HERC3: variants seen among roughly 807,000 people sequenced by gnomAD.
HERC3 encodes HECT and RLD domain containing E3 ubiquitin protein ligase 3.
A neutral mutation model predicts 129.9 loss-of-function variants in HERC3; 58 were observed. That is an observed-to-expected ratio of 0.45 (90% CI 0.36 to 0.56). The LOEUF (loss-of-function observed/expected upper bound fraction) is 0.56, where lower values mean the gene tolerates loss of function less well. Ranked by LOEUF, HERC3 falls within the 20% of genes least tolerant of loss-of-function variation. The pLI is 0.00. For missense variants in HERC3, 835 were observed against 1,244.2 expected (o/e 0.67, Z 4.95); for synonymous variants, 430 against 451.0 (o/e 0.95, Z 0.59).
chr4:88,528,874 C>T, the HERC3 span, among the ~76,000 whole-genome samples: 10 of 151,906 alleles, frequency 6.6e-5, no homozygotes, highest in African/African-American at 1.9e-4. Flanking sequence ...TTTTGCTCTT[C>T]GATAAATAAA....
Position 88,652,915 on chromosome 4 carries a change from C to T in HERC3, c.510C>T (p.Gly170=), listed in dbSNP as rs201893291. Residue 170 remains glycine (G), a synonymous_variant, in exon 6 of 26, where the codon GGC becomes GGT. Transcript: ENST00000402738. The part of the protein sequence containing the change: ...TWGKNSHGQL[G]LGKEFPSQAS... The stretch of plus-strand genomic sequence containing the variant: ...GAAAGAACAGCCATGGGCAGCTTGG[C>T]TTAGGGAAGGAGTTCCCCTCCCAAG... 4.3e-6 allele frequency: 7 copies of T among 1,613,682 alleles called. No individual in the cohort carries two copies. The highest frequency in any genetic ancestry group is 4.0e-5 in the African/African-American group (3 of 74,918).
chr4:88,676,083 C>A, intron 16 of HERC3, 135 bp from the exon 17 acceptor site: 1 of 611,666 alleles, frequency 1.6e-6, no homozygotes, highest in Non-Finnish European at 2.8e-6. Context: ...ATTTAGTCAG[C>A]CATTCAAATG....
rs981691943 is a variant in HERC3, at chr4:88,592,504, G to A, written c.-158G>A. 4.6e-5 allele frequency: 7 copies of A among 152,444 alleles called. No homozygotes were observed. Among genetic ancestry groups the A allele is most frequent in the South Asian group, 4.1e-4 (2 of 4,830 alleles). 9.4% of individuals were successfully genotyped at this position (152,444 alleles called of 1,614,324 possible). On this transcript the variant is annotated 5_prime_UTR_variant, in exon 1 of 26. Transcript: ENST00000402738. ...CCTTATTATTGTGACGCCGAAAACG[G>A]AGAAACCCCGGGTCCGGCGAGAGGG... is the stretch of plus-strand genomic sequence containing the variant.
chr4:88,569,291 C>T, the HERC3 span, among the ~76,000 whole-genome samples: 1 of 152,192 alleles, frequency 6.6e-6, no homozygotes, highest in Non-Finnish European at 1.5e-5. Context: ...ACTCTCCTTT[C>T]CCCAAGCACA....
intron 3 of HERC3, among the ~76,000 whole-genome samples, chr4:88,609,462 C>T (rs1457338679): frequency 6.6e-6 from 1 of 152,186 alleles, no homozygotes; most frequent in Non-Finnish European, 1.5e-5. Flanking sequence ...CGTGTAAAGG[C>T]TGATACTGTC....
the HERC3 span, among the ~76,000 whole-genome samples, chr4:88,530,850 T>G: frequency 6.6e-6 from 1 of 152,078 alleles, no homozygotes; most frequent in Admixed American, 6.5e-5. Flanking sequence ...GGAATAGTAT[T>G]TTATTTTTAT....
chr4:88,665,470 G>A (rs568091418), intron 12 of HERC3, among the ~76,000 whole-genome samples: 140 of 152,318 alleles, frequency 9.2e-4, no homozygotes, highest in South Asian at 2.9e-3. Context: ...CCAGAAGAGA[G>A]AAATAATTTG....
chr4:88,653,893 G>T (rs1729558349), intron 6 of HERC3, 149 bp from the exon 7 acceptor site: 4 of 594,098 alleles, frequency 6.7e-6, no homozygotes, highest in Admixed American at 5.6e-5. Flanking sequence ...TTAAAACTGA[G>T]AAGTCTGTTG....
chr4:88,647,421 G>A (rs538723943), intron 3 of HERC3, among the ~76,000 whole-genome samples: 1 of 152,310 alleles, frequency 6.6e-6, no homozygotes, highest in Non-Finnish European at 1.5e-5. Flanking sequence ...CCCAGGTCTA[G>A]AGAACAGAAA....
rs1733933165 is a variant in HERC3 at position 88,690,211 on chromosome 4, C to T, written c.2657+2912C>T. The T allele has an allele frequency of 7.2e-6, 7 of 977,286 alleles. No homozygotes were observed. In the South Asian group the frequency reaches 2.8e-4, roughly 40 times the overall value. The allele number at this position is 977,286 out of a possible 1,614,324, so 60.5% of individuals were successfully genotyped here. A position where few individuals can be genotyped will look rare whatever the true frequency, so the allele number is the denominator to read the frequency against. On this transcript the variant is annotated intron_variant, in intron 23 of 25. Transcript: ENST00000402738. The stretch of plus-strand genomic sequence containing the variant: ...TATATAACATTGGTACTTTTGTTAA[C>T]AGTAAATAATTTATCTTCAGGATGT...
At chr4:88,550,026 T>C in the HERC3 span, among the ~76,000 whole-genome samples, 4 of 151,948 alleles carry the variant, frequency 2.6e-5, no homozygotes, top group African/African-American at 9.7e-5. Context: ...GGGAATGGGG[T>C]ATGACCTTAT....
At chr4:88,661,205 G>A (rs1730457359) in intron 10 of HERC3, among the ~76,000 whole-genome samples, 1 of 152,208 alleles carries the variant, frequency 6.6e-6, no homozygotes, top group Non-Finnish European at 1.5e-5. Context: ...GAGGTGGAAA[G>A]ACAATCTCTG....
At chr4:88,556,919 T>G in the HERC3 span, among the ~76,000 whole-genome samples, 1 of 152,096 alleles carries the variant, frequency 6.6e-6, no homozygotes, top group East Asian at 1.9e-4. Context: ...TGCTGGAATC[T>G]TTCCTATTCT....
intron 23 of HERC3, chr4:88,697,377 C>T: frequency 6.2e-7 from 1 of 1,614,090 alleles, no homozygotes; most frequent in Non-Finnish European, 8.5e-7. Context: ...ACCCCTCCAT[C>T]TCGCCGGTGA....
At chr4:88,541,327 G>A in the HERC3 span, among the ~76,000 whole-genome samples, 57 of 152,042 alleles carry the variant, frequency 3.7e-4, 1 homozygote, top group East Asian at 6.4e-3. Context: ...AACCAACAAA[G>A]ATCAAAAGAG....
chr4:88,668,045 A>G lies in HERC3; in HGVS notation c.1597A>G (p.Ile533Val). The G allele has an allele frequency of 6.2e-7, 1 of 1,613,684 alleles. No homozygotes were observed. Among genetic ancestry groups the G allele is most frequent in the Admixed American group, 1.7e-5 (1 of 59,994 alleles). Reference protein sequence around the residue: ...ITLTIPLAMAILRLDTNPSKV... With the variant: ...ITLTIPLAMAVLRLDTNPSKV... ...ATTGACTATTCCCTTGGCTATGGCC[A>G]TTCTTCGGCTGGATACAAACCCCAG... The change falls in exon 14 of 26, where the codon ATT becomes GTT. Residue 533 changes from isoleucine (I) to valine (V), a missense_variant. Ile to Val is a conservative substitution (Grantham distance 29). Transcript: ENST00000402738.
intron 1 of HERC3, among the ~76,000 whole-genome samples, chr4:88,595,228 C>T (rs973248889): frequency 7.3e-5 from 11 of 151,598 alleles, no homozygotes; most frequent in African/African-American, 2.4e-4. Context: ...TAATTATTTT[C>T]CAAAATTTTC....
At position 88,670,517 on chromosome 4, in the gene HERC3, A is replaced by C. The variant is rs1233892904; in HGVS notation, c.1911+265A>C. 3.3e-5 allele frequency among the ~76,000 whole-genome samples: 5 copies of C among 152,316 alleles called. 1 individual carries two copies. Among genetic ancestry groups the C allele is most frequent in the Middle Eastern group, 6.8e-3 (2 of 294 alleles). On this transcript the variant is annotated intron_variant, in intron 16 of 25. Coordinates refer to ENST00000402738, the MANE Select transcript of HERC3 (RefSeq NM_014606.3). ...GAGTATCTAAAGTAGTCAAATCCAC[A>C]GAAACAGAAAGTACAGTGGTGATTG... is the stretch of plus-strand genomic sequence containing the variant.
intron 3 of HERC3, among the ~76,000 whole-genome samples, chr4:88,629,455 A>G (rs569928459): frequency 6.6e-6 from 1 of 152,318 alleles, no homozygotes; most frequent in African/African-American, 2.4e-5. Context: ...ATCTGTATCA[A>G]CCTTTTTAAT....
Sources: allele counts gnomAD v4.1 joint callset (sites outside exome capture counted in the v4.1 genomes callset), GRCh38; gene constraint gnomAD v4.1.1; transcripts MANE v1.5; gene names NCBI Gene and HGNC (gene_info 2026-07-23, HGNC 2026-07-21).